The following PLEKHB2 variants were observed in gnomAD, a reference collection of about 807,000 sequenced individuals.
PLEKHB2 encodes pleckstrin homology domain containing B2, also known as pleckstrin homology domain-containing family B member 2.
A neutral mutation model predicts 36.5 loss-of-function variants in PLEKHB2; 31 were observed. The ratio of observed to expected loss-of-function variants is 0.85; its 90% CI spans 0.64 to 1.15. PLEKHB2 has a LOEUF of 1.15. Among genes scored for constraint, PLEKHB2 ranks in the 50% most tolerant of loss-of-function variants. The pLI is 0.00. For missense variants in PLEKHB2, 262 were observed against 295.3 expected (o/e 0.89, Z 0.83); for synonymous variants, 119 against 112.0 (o/e 1.06, Z -0.39).
chr2:131,112,786 TA>T (rs1360780992), intron 1 of PLEKHB2, among the ~76,000 whole-genome samples: 1 of 152,262 alleles, frequency 6.6e-6, no homozygotes, highest in South Asian at 2.1e-4. Context: ...AAGGGAAGAT[TA>T]AAAAAACCCC....
chr2:131,137,552 T>C (rs934272250), intron 6 of PLEKHB2, among the ~76,000 whole-genome samples: 3 of 152,232 alleles, frequency 2.0e-5, no homozygotes, highest in Non-Finnish European at 4.4e-5. Flanking sequence ...TGTAGAGTTC[T>C]TTATGGTGTT....
intron 5 of PLEKHB2, among the ~76,000 whole-genome samples, chr2:131,131,590 AAAG>A (rs1174793690): frequency 2.6e-5 from 4 of 152,272 alleles, no homozygotes; most frequent in East Asian, 1.9e-4. Flanking sequence ...ATCTGTAAGA[AAAG>A]AAGAAGGTGG....
chr2:131,115,112 A>C (rs956394996), intron 1 of PLEKHB2, among the ~76,000 whole-genome samples: 1 of 152,144 alleles, frequency 6.6e-6, no homozygotes, highest in Non-Finnish European at 1.5e-5. Context: ...AATGAGGAAC[A>C]AAGTCATGTC....
chr2:131,128,927 A>G (rs1697368678), intron 4 of PLEKHB2, among the ~76,000 whole-genome samples: 1 of 150,976 alleles, frequency 6.6e-6, no homozygotes, highest in South Asian at 2.1e-4. Context: ...TATAAGATAT[A>G]TGAATAATCC....
Position 131,148,642 on chromosome 2 carries a change from GAC to G in PLEKHB2, c.*1872_*1873del, listed in dbSNP as rs1035546615. 6 of 152,178 alleles carry G rather than the reference GAC, an allele frequency of 3.9e-5. No homozygotes were observed. The highest frequency in any genetic ancestry group is 1.4e-4 in the African/African-American group (6 of 41,424). 9.4% of individuals were successfully genotyped at this position (152,178 alleles called of 1,614,324 possible). A position where few individuals can be genotyped will look rare whatever the true frequency, so the allele number is the denominator to read the frequency against. On this transcript the variant is annotated 3_prime_UTR_variant, in exon 8 of 8. Transcript: ENST00000693505. Reference sequence around the variant, plus strand: ...ACTCCATCTTTAGCGAGACACCAGAGACACCTAGTGATGACCACGGGTCTGCT... The same window carrying G: ...ACTCCATCTTTAGCGAGACACCAGAGACCTAGTGATGACCACGGGTCTGCT...
At chr2:131,131,245 C>T (rs1340672376) in intron 5 of PLEKHB2, among the ~76,000 whole-genome samples, 1 of 152,200 alleles carries the variant, frequency 6.6e-6, no homozygotes, top group Non-Finnish European at 1.5e-5. Flanking sequence ...CAGGAGGCAC[C>T]CTGCTCTTAC....
chr2:131,140,586 G>A (rs1268010084), intron 7 of PLEKHB2, among the ~76,000 whole-genome samples: 1 of 152,208 alleles, frequency 6.6e-6, no homozygotes, highest in Admixed American at 6.5e-5. Context: ...TAAGGGATGA[G>A]AGGTGACCTT....
chr2:131,130,873 C>A, intron 5 of PLEKHB2, 113 bp downstream of exon 5: 1 of 735,968 alleles, frequency 1.4e-6, no homozygotes, highest in South Asian at 1.6e-5. Context: ...CTCTACCTCT[C>A]GGGCTCAAGT....
intron 1 of PLEKHB2, among the ~76,000 whole-genome samples, chr2:131,109,478 T>G (rs1695066690): frequency 6.6e-6 from 1 of 151,774 alleles, no homozygotes; most frequent in Admixed American, 6.6e-5. Flanking sequence ...TCCCCTGAGG[T>G]CAGGAGTTTG....
At chr2:131,126,924 A>G (rs983963305) in intron 4 of PLEKHB2, 138 bp downstream of exon 4, 7 of 608,116 alleles carry the variant, frequency 1.2e-5, no homozygotes, top group Non-Finnish European at 2.0e-5. Context: ...TATGAGAGAA[A>G]TGCAAGAGTC....
intron 7 of PLEKHB2, among the ~76,000 whole-genome samples, chr2:131,145,425 C>T (rs1321433225): frequency 2.0e-5 from 3 of 152,128 alleles, no homozygotes; most frequent in Non-Finnish European, 4.4e-5. Context: ...ACTGCAGCCC[C>T]CGCCTCCCAG....
At chr2:131,112,265 A>G (rs1412259439) in intron 1 of PLEKHB2, among the ~76,000 whole-genome samples, 1 of 152,212 alleles carries the variant, frequency 6.6e-6, no homozygotes, top group African/African-American at 2.4e-5. Flanking sequence ...GAATAGCCGA[A>G]CACCTGGAGG....
intron 1 of PLEKHB2, among the ~76,000 whole-genome samples, chr2:131,111,706 G>A (rs1695351824): frequency 1.3e-5 from 2 of 151,884 alleles, no homozygotes; most frequent in African/African-American, 4.8e-5. Flanking sequence ...GGCCAGGCTG[G>A]TCTCGAACTC....
rs1286488188 is a variant in PLEKHB2, at chr2:131,126,656, G to T, written c.191-28G>T. On this transcript the variant is annotated intron_variant, in intron 3 of 7. Coordinates refer to ENST00000693505, the MANE Select transcript of PLEKHB2 (RefSeq NM_001100623.2). ...AATGTAAGAAGAAATCCTGAAAAAA[G>T]TTCCTTTATTCTGCTTATTTTTCAT... is the stretch of plus-strand genomic sequence containing the variant. The T allele has an allele frequency of 5.3e-6, 7 of 1,314,296 alleles. No homozygotes were observed. In the Admixed American group the frequency reaches 6.8e-5, roughly 13 times the overall value. 81.4% of individuals were successfully genotyped at this position (1,314,296 alleles called of 1,614,324 possible).
intron 2 of PLEKHB2, among the ~76,000 whole-genome samples, chr2:131,121,215 T>C (rs2104837086): frequency 6.6e-6 from 1 of 152,290 alleles, no homozygotes; most frequent in South Asian, 2.1e-4. Context: ...CTGCTTTCGC[T>C]CTCCTCACTA....
chr2:131,122,761 C>A (rs1696645784), intron 2 of PLEKHB2, among the ~76,000 whole-genome samples: 1 of 152,148 alleles, frequency 6.6e-6, no homozygotes, highest in South Asian at 2.1e-4. Context: ...AACTGTATGT[C>A]CCCTTGTCTG....
intron 4 of PLEKHB2, among the ~76,000 whole-genome samples, chr2:131,127,362 CCTT>C (rs2104876968): frequency 6.6e-6 from 1 of 152,282 alleles, no homozygotes; most frequent in East Asian, 1.9e-4. Flanking sequence ...TGTCACATGG[CCTT>C]CTTCGGCTGT....
chr2:131,105,960 G>A (rs531680149), intron 1 of PLEKHB2, among the ~76,000 whole-genome samples: 2 of 152,260 alleles, frequency 1.3e-5, no homozygotes, highest in South Asian at 2.1e-4. Context: ...GTCCCGGGGG[G>A]CGTTGAGGCT....
chr2:131,127,186 C>G (rs780895204), intron 4 of PLEKHB2: 1 of 183,820 alleles, frequency 5.4e-6, no homozygotes, highest in Non-Finnish European at 1.1e-5. Flanking sequence ...TTCATTGTCT[C>G]ATAGTTCTGG....
Sources: allele counts gnomAD v4.1 joint callset (sites outside exome capture counted in the v4.1 genomes callset), GRCh38; gene constraint gnomAD v4.1.1; transcripts MANE v1.5; gene names NCBI Gene and HGNC (gene_info 2026-07-23, HGNC 2026-07-21).